C16orf87: variants seen among roughly 807,000 people sequenced by gnomAD.
The protein encoded by C16orf87 is UPF0547 protein C16orf87.
In C16orf87, 13 loss-of-function variants were observed where a neutral mutation model predicts 21.0. The ratio of observed to expected loss-of-function variants is 0.62; its 90% confidence interval spans 0.40 to 0.98. C16orf87 has a LOEUF of 0.98. Among genes scored for constraint, C16orf87 ranks in the 50% least tolerant of loss-of-function variants. The pLI, the probability that C16orf87 is intolerant of heterozygous loss-of-function variation, is 0.00. For synonymous variants in C16orf87, 49 were observed against 60.2 expected (o/e 0.81, Z 0.86); for missense variants, 113 against 180.4 (o/e 0.63, Z 2.14).
chr16:46,823,024 T>C (rs1266830486), intron 2 of C16orf87, among the ~76,000 whole-genome samples: 2 of 152,238 alleles, frequency 1.3e-5, no homozygotes, highest in African/African-American at 2.4e-5. Context: ...AAAAATGTTT[T>C]CCAACCTTAG....
At chr16:46,824,188 A>C (rs1190994648) in intron 2 of C16orf87, among the ~76,000 whole-genome samples, 198 bp downstream of exon 2, 2 of 152,254 alleles carry the variant, frequency 1.3e-5, no homozygotes, top group Non-Finnish European at 2.9e-5. Flanking sequence ...CGTTATCAGC[A>C]TTGTAAGGGA....
chr16:46,831,075 G>C lies in C16orf87; in HGVS notation c.66+9C>G, dbSNP rs1270293549. 6.4e-7 allele frequency: 1 copy of C among 1,563,346 alleles called. No homozygotes were observed. The highest frequency in any genetic ancestry group is 8.7e-7 in the Non-Finnish European group (1 of 1,152,610). On this transcript the variant is annotated intron_variant, in intron 1 of 3. Transcript: ENST00000285697. The stretch of plus-strand genomic sequence containing the variant: ...CCGCCCGCCCGCGCGCCCGGCCCCC[G>C]GCACCCACCTGTTGGTCGCACTCGG...
intron 2 of C16orf87, among the ~76,000 whole-genome samples, chr16:46,817,997 T>C (rs960076603): frequency 2.6e-5 from 4 of 151,668 alleles, no homozygotes; most frequent in Non-Finnish European, 4.4e-5. Flanking sequence ...AGCACTTTTA[T>C]GCAATTAGCA....
chr16:46,829,265 C>T (rs1309373121), intron 1 of C16orf87, among the ~76,000 whole-genome samples: 1 of 152,114 alleles, frequency 6.6e-6, no homozygotes, highest in Admixed American at 6.6e-5. Context: ...TTTGTTATGG[C>T]AGCCAAAGCT....
At chr16:46,813,964 C>T (rs1166180976) in intron 2 of C16orf87, among the ~76,000 whole-genome samples, 3 of 152,178 alleles carry the variant, frequency 2.0e-5, no homozygotes, top group Non-Finnish European at 4.4e-5. Flanking sequence ...ATTACTTACA[C>T]AGACTGTTGA....
At chr16:46,831,014 G>T (rs1221305004) in intron 1 of C16orf87, 70 bp downstream of exon 1, 7 of 1,284,804 alleles carry the variant, frequency 5.4e-6, no homozygotes, top group Non-Finnish European at 7.5e-6. Flanking sequence ...AGCCCGGCGA[G>T]GCCCCCCTCC....
intron 2 of C16orf87, among the ~76,000 whole-genome samples, chr16:46,818,485 G>A (rs952901324): frequency 6.6e-6 from 1 of 151,790 alleles, no homozygotes; most frequent in Admixed American, 6.6e-5. Context: ...ATTTGACTAT[G>A]CTTACTCTAA....
Position 46,802,230 on chromosome 16 carries a change from G to GT in C16orf87, c.*721dup, listed in dbSNP as rs796296239. On this transcript the variant is annotated 3_prime_UTR_variant, in exon 4 of 4. Transcript: ENST00000285697. ...ACAGGCACCATCTTGAGAGCAGTTT[G>GT]TTTTTTTTTTTTAGCTAATAAATAA... is the stretch of plus-strand genomic sequence containing the variant. The GT allele has an allele frequency of 2.0e-3, 285 of 140,058 alleles. No individual in the cohort carries two copies. The highest frequency in any genetic ancestry group is 4.6e-3 in the African/African-American group (176 of 38,454). 8.7% of individuals were successfully genotyped at this position (140,058 alleles called of 1,614,324 possible).
intron 1 of C16orf87, among the ~76,000 whole-genome samples, chr16:46,825,416 T>G (rs537187648): frequency 1.2e-5 from 1 of 86,652 alleles, no homozygotes; most frequent in South Asian, 5.3e-4. Flanking sequence ...GAATAGTTTA[T>G]AGCAACCAGA....
chr16:46,821,755 A>G (rs1413429686), intron 2 of C16orf87, among the ~76,000 whole-genome samples: 1 of 152,106 alleles, frequency 6.6e-6, no homozygotes, highest in Non-Finnish European at 1.5e-5. Context: ...CAAACTCTGC[A>G]CCGCGAGCTC....
intron 3 of C16orf87, among the ~76,000 whole-genome samples, chr16:46,806,949 G>C (rs1186201811): frequency 6.6e-6 from 1 of 152,132 alleles, no homozygotes. Flanking sequence ...AATGCTCTAA[G>C]AGCAAGGAAT....
chr16:46,823,300 T>C (rs1033086233), intron 2 of C16orf87, among the ~76,000 whole-genome samples: 5 of 152,242 alleles, frequency 3.3e-5, no homozygotes, highest in Admixed American at 6.5e-5. Flanking sequence ...AAATCTGCCT[T>C]AACAGTAGAA....
rs192871904 is a variant in C16orf87 at position 46,822,338 on chromosome 16, G to C, written c.163+2048C>G. On this transcript the variant is annotated intron_variant, in intron 2 of 3. Coordinates refer to ENST00000285697, the MANE Select transcript of C16orf87 (RefSeq NM_001001436.4). ...AAGCACTTTGTCTCCCTAAGAACAAGGACCATGTCTTATTCATTTTTAGAA... is the reference window on the plus strand; with the variant it reads ...AAGCACTTTGTCTCCCTAAGAACAACGACCATGTCTTATTCATTTTTAGAA... Among the ~76,000 whole-genome samples, 19 of 152,248 alleles carry C rather than the reference G, an allele frequency of 1.2e-4. No homozygotes were observed. The East Asian group carries it at 3.7e-3, about 29-fold the overall frequency.
At chr16:46,813,917 G>C (rs2143101827) in intron 2 of C16orf87, among the ~76,000 whole-genome samples, 1 of 152,216 alleles carries the variant, frequency 6.6e-6, no homozygotes, top group East Asian at 1.9e-4. Flanking sequence ...ATGAAACTTG[G>C]GAATCCTTGG....
intron 1 of C16orf87, among the ~76,000 whole-genome samples, chr16:46,830,264 CAGACAGAGAGAGAGAGAG>C (rs1959791110): frequency 2.4e-5 from 1 of 41,132 alleles, no homozygotes; most frequent in Non-Finnish European, 5.5e-5. Flanking sequence ...TAGAGAGAGA[CAGACAGAGAGAGAGAGAG>C]AGAGAGAGAG....
intron 2 of C16orf87, among the ~76,000 whole-genome samples, chr16:46,823,342 T>C (rs1959493426): frequency 6.6e-6 from 1 of 152,236 alleles, no homozygotes; most frequent in African/African-American, 2.4e-5. Flanking sequence ...CTTGGAATAG[T>C]GTCTAGCATA....
chr16:46,808,703 A>C (rs1967995477), intron 3 of C16orf87, among the ~76,000 whole-genome samples: 1 of 152,166 alleles, frequency 6.6e-6, no homozygotes, highest in Non-Finnish European at 1.5e-5. Flanking sequence ...CTACTCTTGC[A>C]TATGTTGAAA....
chr16:46,824,845 T>C (rs1470666298), intron 1 of C16orf87, among the ~76,000 whole-genome samples: 4 of 152,038 alleles, frequency 2.6e-5, no homozygotes, highest in Admixed American at 2.6e-4. Context: ...TTTGTATTTT[T>C]AGTAGAGATG....
intron 2 of C16orf87, among the ~76,000 whole-genome samples, chr16:46,811,103 G>C (rs1412584922): frequency 1.3e-5 from 2 of 152,144 alleles, no homozygotes; most frequent in Non-Finnish European, 2.9e-5. Context: ...TCATATTAAA[G>C]CTAATAAATG....
Sources: gnomAD v4.1 joint callset for allele counts (sites outside exome capture counted in the v4.1 genomes callset) on GRCh38, gnomAD v4.1.1 for gene constraint, MANE v1.5 for transcripts, NCBI Gene and HGNC (gene_info 2026-07-23, HGNC 2026-07-21) for gene names.